The following DST variants were observed in gnomAD, a reference collection of about 807,000 sequenced individuals.
DST encodes the protein dystonin.
A neutral mutation model predicts 875.2 loss-of-function variants in DST; 253 were observed. The ratio of observed to expected loss-of-function variants is 0.29; its 90% CI spans 0.26 to 0.32. DST has a LOEUF of 0.32. DST is among the 10% of genes least tolerant of loss of function. The pLI is 1.00. For missense variants in DST, 8,287 were observed against 9,111.6 expected (o/e 0.91, Z 3.68); for synonymous variants, 3,124 against 3,197.1 (o/e 0.98, Z 0.77).
intron 36 of DST, chr6:56,615,819 C>A: frequency 1.2e-6 from 2 of 1,614,128 alleles, no homozygotes; most frequent in Non-Finnish European, 1.7e-6. Flanking sequence ...ATTCCCATTT[C>A]CTTATTTATA....
chr6:56,485,012 A>C (rs184298551), intron 88 of DST: 1 of 287,884 alleles, frequency 3.5e-6, no homozygotes, highest in East Asian at 8.1e-5. Context: ...AGATAGTAAA[A>C]CATTCTTGAA....
chr6:56,655,098 T>C (rs1380893500), intron 10 of DST, among the ~76,000 whole-genome samples: 2 of 144,994 alleles, frequency 1.4e-5, no homozygotes, highest in East Asian at 2.0e-4. Context: ...GAGGCGGAGG[T>C]TGCAGTGAGC....
At chr6:56,479,909 T>A (rs1390660910) in intron 90 of DST, among the ~76,000 whole-genome samples, 1 of 152,180 alleles carries the variant, frequency 6.6e-6, no homozygotes, top group African/African-American at 2.4e-5. Flanking sequence ...AACGTGTACA[T>A]GTACTCTCTG....
chr6:56,620,372 G>A (rs1280115978), intron 36 of DST: 2 of 1,613,978 alleles, frequency 1.2e-6, no homozygotes, highest in African/African-American at 1.3e-5. Flanking sequence ...GGCCTCTATG[G>A]TGAGCTGCCT....
At position 56,616,869 on chromosome 6, in the gene DST, C is replaced by T; in HGVS notation, c.4930-2385G>A. 1 of 1,614,054 alleles carries T rather than the reference C, an allele frequency of 6.2e-7. No individual in the cohort carries two copies. The highest frequency in any genetic ancestry group is 8.5e-7 in the Non-Finnish European group (1 of 1,179,992). On this transcript the variant is annotated intron_variant, in intron 36 of 103. Coordinates refer to ENST00000680361, the MANE Select transcript of DST (RefSeq NM_001374736.1). ...AGCCTAATTCTGAATTCGGGGTCAA[C>T]AACTCCTTTAAGAACTGCATCTTCA...
At chr6:56,555,269 T>C (rs1288162160) in intron 60 of DST, 76 bp downstream of exon 60, 1 of 1,472,778 alleles carries the variant, frequency 6.8e-7, no homozygotes, top group Non-Finnish European at 9.1e-7. Context: ...CCTGGATTAT[T>C]GGCAACATCT....
chr6:56,768,919 C>T (rs1273209366), intron 4 of DST, among the ~76,000 whole-genome samples: 1 of 151,948 alleles, frequency 6.6e-6, no homozygotes, highest in African/African-American at 2.4e-5. Flanking sequence ...AAATACAAAA[C>T]TTAGCAGGGC....
chr6:56,793,233 AT>A (rs749204978), intron 4 of DST, among the ~76,000 whole-genome samples: 3 of 152,274 alleles, frequency 2.0e-5, no homozygotes, highest in African/African-American at 2.4e-5. Flanking sequence ...AGATGGTATC[AT>A]AGAATTGTTT....
chr6:56,479,101 T>C (rs1339902447), intron 90 of DST, among the ~76,000 whole-genome samples: 1 of 151,846 alleles, frequency 6.6e-6, no homozygotes, highest in Non-Finnish European at 1.5e-5. Flanking sequence ...CATTGAAAAC[T>C]GGGAAAAACA....
chr6:56,683,570 G>A (rs1417895047), intron 9 of DST, among the ~76,000 whole-genome samples: 1 of 152,162 alleles, frequency 6.6e-6, no homozygotes, highest in Non-Finnish European at 1.5e-5. Flanking sequence ...TGCTCAACGT[G>A]ACATGGCACG....
intron 2 of DST, among the ~76,000 whole-genome samples, chr6:56,926,528 C>T (rs537454308): frequency 1.3e-5 from 2 of 152,294 alleles, no homozygotes; most frequent in East Asian, 3.9e-4. Flanking sequence ...GCTTCAAAAA[C>T]CAGTGAGGAT....
chr6:56,695,144 AAAAG>A (rs2099256570), intron 9 of DST, among the ~76,000 whole-genome samples: 1 of 151,018 alleles, frequency 6.6e-6, no homozygotes, highest in Admixed American at 6.6e-5. Context: ...AAAAAAAAAA[AAAAG>A]AGTTAGTTGT....
intron 4 of DST, among the ~76,000 whole-genome samples, chr6:56,810,028 G>T (rs1253896320): frequency 6.6e-6 from 1 of 152,138 alleles, no homozygotes; most frequent in East Asian, 1.9e-4. Context: ...GCAAATTTTA[G>T]TTATAATATA....
chr6:56,880,485 C>T (rs767257486), intron 3 of DST, among the ~76,000 whole-genome samples: 16 of 151,982 alleles, frequency 1.1e-4, no homozygotes, highest in Non-Finnish European at 2.1e-4. Context: ...GTCAGGAGTT[C>T]GAGACCAGAC....
intron 31 of DST, 121 bp downstream of exon 31, chr6:56,630,124 C>T (rs985445479): frequency 1.3e-6 from 1 of 769,778 alleles, no homozygotes; most frequent in Non-Finnish European, 2.2e-6. Context: ...CACAGAGACA[C>T]AAATGGAATA....
intron 4 of DST, among the ~76,000 whole-genome samples, chr6:56,735,581 G>A (rs1416742938): frequency 8.7e-6 from 1 of 115,198 alleles, no homozygotes; most frequent in African/African-American, 4.4e-5. Context: ...CCATGAAGTT[G>A]TCTAACGTAA....
At chr6:56,503,835 C>T (rs983611769) in intron 78 of DST, among the ~76,000 whole-genome samples, 162 bp downstream of exon 78, 15 of 152,064 alleles carry the variant, frequency 9.9e-5, no homozygotes, top group African/African-American at 1.4e-4. Context: ...TTAAAGAACA[C>T]TTATATATTG....
At chr6:56,829,653 G>C (rs926166336) in intron 4 of DST, among the ~76,000 whole-genome samples, 1 of 152,094 alleles carries the variant, frequency 6.6e-6, no homozygotes, top group African/African-American at 2.4e-5. Flanking sequence ...GTCAGAAAAT[G>C]ATGTCAAAAG....
chr6:56,950,193 T>C (rs1008649747), intron 2 of DST, among the ~76,000 whole-genome samples: 7 of 152,204 alleles, frequency 4.6e-5, no homozygotes, highest in Non-Finnish European at 1.0e-4. Flanking sequence ...CTCTTTTGGT[T>C]CCTTTGCCTG....
Sources: gnomAD v4.1 joint callset for allele counts (sites outside exome capture counted in the v4.1 genomes callset) on GRCh38, gnomAD v4.1.1 for gene constraint, MANE v1.5 for transcripts, NCBI Gene and HGNC (gene_info 2026-07-23, HGNC 2026-07-21) for gene names.